Variants in DLG2 observed in about 807,000 individuals in gnomAD.
DLG2 encodes discs large MAGUK scaffold protein 2, also known as disks large homolog 2.
DLG2 carries 45 observed loss-of-function variants against 132.5 expected under a neutral mutation model. That is an observed-to-expected ratio of 0.34 (90% CI 0.27 to 0.44). The LOEUF (loss-of-function observed/expected upper bound fraction) is 0.44. DLG2 is among the 20% of genes least tolerant of loss of function. The pLI is 1.00. For missense variants in DLG2, 1,045 were observed against 1,196.9 expected, an observed-to-expected ratio of 0.87 and a Z score of 1.87; for synonymous variants, 424 against 419.6, an observed-to-expected ratio of 1.01 and a Z score of -0.13.
At chr11:83,468,556 A>G (rs940618326) in intron 25 of DLG2, among the ~76,000 whole-genome samples, 2 of 152,322 alleles carry the variant, frequency 1.3e-5, no homozygotes, top group South Asian at 4.1e-4. Context: ...GAGAAAGGTC[A>G]TGGCAAATCA....
At chr11:85,038,137 T>C (rs893864804) in intron 6 of DLG2, among the ~76,000 whole-genome samples, 3 of 152,144 alleles carry the variant, frequency 2.0e-5, no homozygotes, top group African/African-American at 7.2e-5. Context: ...TGGGGTATGA[T>C]GATTCTAGAC....
chr11:84,498,107 A>C (rs1354626202), intron 7 of DLG2, among the ~76,000 whole-genome samples: 1 of 152,326 alleles, frequency 6.6e-6, no homozygotes, highest in East Asian at 1.9e-4. Context: ...CTATCTATCC[A>C]TGTAGTGTGT....
At chr11:85,399,212 C>A (rs1481553990) in intron 3 of DLG2, among the ~76,000 whole-genome samples, 1 of 152,058 alleles carries the variant, frequency 6.6e-6, no homozygotes, top group Non-Finnish European at 1.5e-5. Context: ...ACCTAGGAAT[C>A]CAACTTCCAG....
At chr11:84,696,798 T>C (rs2058665592) in intron 6 of DLG2, among the ~76,000 whole-genome samples, 1 of 151,484 alleles carries the variant, frequency 6.6e-6, no homozygotes, top group African/African-American at 2.4e-5. Flanking sequence ...TTAAGGAGCC[T>C]AAATTTGAGA....
chr11:84,585,437 A>G (rs935153524), intron 6 of DLG2, among the ~76,000 whole-genome samples: 1 of 152,160 alleles, frequency 6.6e-6, no homozygotes, highest in Non-Finnish European at 1.5e-5. Flanking sequence ...GATGTCTGTT[A>G]GGCCATGTAC....
intron 11 of DLG2, among the ~76,000 whole-genome samples, chr11:84,058,539 T>TAATAATAATAAC (rs1446934724): frequency 3.5e-5 from 5 of 143,326 alleles, no homozygotes; most frequent in African/African-American, 1.3e-4. Context: ...ATAATAATAA[T>TAATAATAATAAC]AACCACATGC....
At chr11:85,362,617 T>A (rs752001696) in intron 3 of DLG2, among the ~76,000 whole-genome samples, 10 of 152,018 alleles carry the variant, frequency 6.6e-5, no homozygotes, top group Admixed American at 1.3e-4. Context: ...TATTTTTTTT[T>A]AATGCCTGAT....
At chr11:85,542,499 T>C (rs546984712) in intron 3 of DLG2, among the ~76,000 whole-genome samples, 3 of 152,336 alleles carry the variant, frequency 2.0e-5, no homozygotes, top group Non-Finnish European at 4.4e-5. Flanking sequence ...GAGTAAGGCT[T>C]CATCTTTTAA....
At chr11:84,287,966 A>G (rs1276061970) in intron 7 of DLG2, among the ~76,000 whole-genome samples, 1 of 77,188 alleles carries the variant, frequency 1.3e-5, no homozygotes, top group East Asian at 2.4e-4. Context: ...GATTAAAAAA[A>G]TAGTATGGAA....
chr11:83,990,875 T>G (rs1039442313), intron 11 of DLG2, among the ~76,000 whole-genome samples: 6 of 128,010 alleles, frequency 4.7e-5, no homozygotes. Flanking sequence ...CTACATGGTT[T>G]TATTAAAGGA....
At chr11:83,668,068 T>TAAA (rs3040176) in intron 18 of DLG2, among the ~76,000 whole-genome samples, 1 of 79,712 alleles carries the variant, frequency 1.3e-5, no homozygotes, top group Non-Finnish European at 2.5e-5. Flanking sequence ...GGAAATGAAG[T>TAAA]AAAAAAAAAA....
intron 11 of DLG2, among the ~76,000 whole-genome samples, chr11:84,006,824 T>A (rs1263240901): frequency 6.6e-6 from 1 of 151,576 alleles, no homozygotes; most frequent in Non-Finnish European, 1.5e-5. Context: ...TTCCCTCAAT[T>A]TTCTCTCTGC....
intron 6 of DLG2, chr11:84,936,578 TTATACACATG>T (rs2048773065): frequency 6.6e-6 from 1 of 152,244 alleles, no homozygotes; most frequent in African/African-American, 2.4e-5. Flanking sequence ...TATACATATT[TTATACACATG>T]TATACACATG....
At chr11:85,593,180 G>C (rs186520466) in intron 3 of DLG2, among the ~76,000 whole-genome samples, 1 of 152,182 alleles carries the variant, frequency 6.6e-6, no homozygotes, top group Non-Finnish European at 1.5e-5. Flanking sequence ...CATTATAGTC[G>C]TTACAGATTA....
intron 7 of DLG2, among the ~76,000 whole-genome samples, chr11:84,502,413 T>C (rs937760492): frequency 7.3e-6 from 1 of 137,008 alleles, no homozygotes; most frequent in Non-Finnish European, 1.5e-5. Context: ...TTTCTTTCTT[T>C]CTATACAGAG....
At chr11:84,649,478 T>C (rs1475377976) in intron 6 of DLG2, among the ~76,000 whole-genome samples, 1 of 152,190 alleles carries the variant, frequency 6.6e-6, no homozygotes, top group African/African-American at 2.4e-5. Flanking sequence ...GAGAAACTCA[T>C]GAATTAAACA....
intron 3 of DLG2, among the ~76,000 whole-genome samples, chr11:85,523,772 C>G (rs1245263868): frequency 6.6e-6 from 1 of 152,174 alleles, no homozygotes; most frequent in Non-Finnish European, 1.5e-5. Flanking sequence ...GAAGAGACAT[C>G]TGCACTCCCA....
chr11:84,550,589 G>A (rs1426527277), intron 6 of DLG2, among the ~76,000 whole-genome samples: 1 of 152,188 alleles, frequency 6.6e-6, no homozygotes, highest in African/African-American at 2.4e-5. Context: ...TGACTTCCAA[G>A]GATGAGATCA....
intron 3 of DLG2, among the ~76,000 whole-genome samples, chr11:85,557,504 C>G (rs1005407363): frequency 8.6e-5 from 13 of 151,704 alleles, no homozygotes; most frequent in African/African-American, 3.1e-4. Flanking sequence ...CCAATGGAAT[C>G]CTAAACAAAA....
Sources: allele counts gnomAD v4.1 joint callset (sites outside exome capture counted in the v4.1 genomes callset), GRCh38; gene constraint gnomAD v4.1.1; transcripts MANE v1.5; gene names NCBI Gene and HGNC (gene_info 2026-07-23, HGNC 2026-07-21).